Variants in MSI2 observed in about 807,000 individuals in gnomAD.
MSI2 encodes musashi RNA binding protein 2, also known as RNA-binding protein Musashi homolog 2.
Under a neutral mutation model 45.6 loss-of-function variants are expected in MSI2, and 17 were observed. The ratio of observed to expected loss-of-function variants is 0.37; its 90% CI spans 0.26 to 0.56. The LOEUF (loss-of-function observed/expected upper bound fraction) is 0.56, where lower values mean the gene tolerates loss of function less well. Ranked by LOEUF, MSI2 falls within the 20% of genes least tolerant of loss-of-function variation. The pLI, the probability that MSI2 is intolerant of heterozygous loss-of-function variation, is 0.77. For missense variants in MSI2, 293 were observed against 444.2 expected, an observed-to-expected ratio of 0.66 and a Z score of 3.06; for synonymous variants, 156 against 158.2, an observed-to-expected ratio of 0.99 and a Z score of 0.11.
chr17:57,453,755 C>G (rs1358814096), intron 6 of MSI2, among the ~76,000 whole-genome samples: 1 of 152,160 alleles, frequency 6.6e-6, no homozygotes, highest in East Asian at 1.9e-4. Context: ...TCTGATTTTT[C>G]ACAAAAATTT....
chr17:57,563,993 T>C (rs1222184616), intron 7 of MSI2, among the ~76,000 whole-genome samples: 2 of 152,154 alleles, frequency 1.3e-5, no homozygotes, highest in Non-Finnish European at 2.9e-5. Flanking sequence ...CTGAGGCGTG[T>C]CACATTTCCC....
At chr17:57,306,379 C>G (rs60538808) in intron 5 of MSI2, among the ~76,000 whole-genome samples, 4,829 of 152,222 alleles carry the variant, frequency 0.032, 188 homozygotes, top group African/African-American at 0.094. Context: ...TGCAATTTCA[C>G]CAAACAGATG....
chr17:57,325,311 G>A (rs1354220878), intron 5 of MSI2, among the ~76,000 whole-genome samples: 1 of 152,234 alleles, frequency 6.6e-6, no homozygotes, highest in African/African-American at 2.4e-5. Context: ...AAGGAGGAAA[G>A]TGGGGGAGGG....
At chr17:57,597,906 C>G (rs1333330914) in intron 8 of MSI2, among the ~76,000 whole-genome samples, 1 of 152,222 alleles carries the variant, frequency 6.6e-6, no homozygotes, top group Admixed American at 6.5e-5. Context: ...CTCTCTTTGG[C>G]TCTTTAAAGT....
At chr17:57,349,305 G>T (rs925292458) in intron 5 of MSI2, among the ~76,000 whole-genome samples, 6 of 152,124 alleles carry the variant, frequency 3.9e-5, no homozygotes, top group African/African-American at 1.4e-4. Flanking sequence ...GTGTGTGTTT[G>T]TGTGTGTGTG....
chr17:57,299,420 A>C (rs1029066361), intron 5 of MSI2, among the ~76,000 whole-genome samples: 10 of 152,324 alleles, frequency 6.6e-5, no homozygotes, highest in African/African-American at 2.4e-4. Flanking sequence ...TTTGATTTAA[A>C]GTGAGAGACA....
intron 5 of MSI2, chr17:57,278,243 G>C (rs552224289): frequency 6.6e-6 from 1 of 152,548 alleles, no homozygotes; most frequent in South Asian, 2.1e-4. Context: ...TCCATAGATT[G>C]ACATTCTGAT....
chr17:57,477,120 TCACTTCTGTTGGTC>T (rs2085552182), intron 6 of MSI2, among the ~76,000 whole-genome samples: 2 of 149,924 alleles, frequency 1.3e-5, no homozygotes, highest in South Asian at 4.2e-4. Context: ...TCTAGACCAT[TCACTTCTGTTGGTC>T]CATAAGGCCT....
At chr17:57,539,414 G>A (rs1037036869) in intron 7 of MSI2, among the ~76,000 whole-genome samples, 2 of 151,366 alleles carry the variant, frequency 1.3e-5, no homozygotes, top group Non-Finnish European at 2.9e-5. Flanking sequence ...TTTACCAGCC[G>A]GGCACAGTGG....
chr17:57,411,043 T>C (rs2084186255), intron 6 of MSI2, among the ~76,000 whole-genome samples: 2 of 152,210 alleles, frequency 1.3e-5, no homozygotes, highest in African/African-American at 4.8e-5. Context: ...TCACTATGGT[T>C]TCCCAGGCTG....
intron 5 of MSI2, among the ~76,000 whole-genome samples, chr17:57,328,865 G>C (rs7220444): frequency 0.1 from 15,386 of 152,080 alleles, 810 homozygotes; most frequent in South Asian, 0.12. Context: ...AATACATTTT[G>C]GTGGTTTATG....
At chr17:57,275,821 C>T (rs1185032221) in intron 5 of MSI2, among the ~76,000 whole-genome samples, 1 of 152,188 alleles carries the variant, frequency 6.6e-6, no homozygotes, top group African/African-American at 2.4e-5. Flanking sequence ...GCCATATTTG[C>T]TGCTCCATTA....
chr17:57,520,156 C>T lies in MSI2; in HGVS notation c.406-9520C>T, dbSNP rs116791501. ...AATGAGCTTTGCAAATTGCCTATTA[C>T]GCTCCAGTAAATGGTAGTTATTATA... On this transcript the variant is annotated intron_variant, in intron 6 of 13. Coordinates refer to ENST00000284073, the MANE Select transcript of MSI2 (RefSeq NM_138962.4). 3.3e-3 allele frequency among the ~76,000 whole-genome samples: 497 copies of T among 152,282 alleles called. 3 individuals carry two copies. The highest frequency in any genetic ancestry group is 0.011 in the African/African-American group (466 of 41,536).
At chr17:57,301,724 A>G (rs1911435474) in intron 5 of MSI2, among the ~76,000 whole-genome samples, 1 of 150,138 alleles carries the variant, frequency 6.7e-6, no homozygotes, top group African/African-American at 2.4e-5. Context: ...GGGACATTTG[A>G]GTTGCCGAGT....
At chr17:57,281,252 G>A (rs1298088251) in intron 5 of MSI2, among the ~76,000 whole-genome samples, 2 of 152,202 alleles carry the variant, frequency 1.3e-5, no homozygotes, top group African/African-American at 2.4e-5. Context: ...GCCAGGGAGA[G>A]CCTGATCTTC....
At chr17:57,467,104 C>T (rs2085343800) in intron 6 of MSI2, among the ~76,000 whole-genome samples, 1 of 152,198 alleles carries the variant, frequency 6.6e-6, no homozygotes, top group South Asian at 2.1e-4. Context: ...TCTGGGTAGC[C>T]AGAAGCTTAG....
chr17:57,616,181 A>G, intron 9 of MSI2, 97 bp downstream of exon 9: 1 of 820,884 alleles, frequency 1.2e-6, no homozygotes, highest in South Asian at 1.5e-5. Flanking sequence ...AAACTGCTTC[A>G]CCTTTCTAAG....
At chr17:57,450,275 G>GAAAAGAAAGAAAGAAAGAAAGA (rs200087369) in intron 6 of MSI2, 1 of 98,268 alleles carries the variant, frequency 1.0e-5, no homozygotes, top group African/African-American at 4.6e-5. Flanking sequence ...AAGAAAGAAA[G>GAAAAGAAAGAAAGAAAGAAAGA]AAAGAAAGAA....
chr17:57,671,255 C>A (rs1056839494), intron 11 of MSI2, among the ~76,000 whole-genome samples: 5 of 152,180 alleles, frequency 3.3e-5, no homozygotes, highest in Non-Finnish European at 7.3e-5. Context: ...TGCAAAAATG[C>A]CAAGACGTTT....
Sources: allele counts gnomAD v4.1 joint callset (sites outside exome capture counted in the v4.1 genomes callset), GRCh38; gene constraint gnomAD v4.1.1; transcripts MANE v1.5; gene names NCBI Gene and HGNC (gene_info 2026-07-23, HGNC 2026-07-21).